ENTREP2: variants seen among roughly 807,000 people sequenced by gnomAD.
ENTREP2 encodes the protein endosomal transmembrane epsin interactor 2.
chr15:29,272,648 C>T, the ENTREP2 span, among the ~76,000 whole-genome samples: 2 of 152,044 alleles, frequency 1.3e-5, no homozygotes, highest in African/African-American at 4.8e-5. Context: ...GCAAAGGGAG[C>T]AGGAATCTAT....
At chr15:29,235,203 A>G in the ENTREP2 span, 1 of 621,760 alleles carries the variant, frequency 1.6e-6, no homozygotes, top group Non-Finnish European at 2.9e-6. Flanking sequence ...CATAAAACAG[A>G]TAGTTCTATA....
At chr15:29,169,471 A>C in the ENTREP2 span, among the ~76,000 whole-genome samples, 1 of 152,200 alleles carries the variant, frequency 6.6e-6, no homozygotes, top group Admixed American at 6.5e-5. Flanking sequence ...TCTTTAAAAA[A>C]CAAGTAAGAC....
At chr15:29,522,622 C>T in the ENTREP2 span, among the ~76,000 whole-genome samples, 6 of 152,244 alleles carry the variant, frequency 3.9e-5, no homozygotes, top group South Asian at 1.0e-3. Context: ...CCCACCTACC[C>T]GTCTCGGCAG....
the ENTREP2 span, among the ~76,000 whole-genome samples, chr15:29,306,417 C>T: frequency 3.4e-3 from 516 of 152,236 alleles, no homozygotes; most frequent in Middle Eastern, 0.01. Context: ...CTTGAAGACA[C>T]CAAGAGAGTT....
At chr15:29,261,412 C>T in the ENTREP2 span, among the ~76,000 whole-genome samples, 4 of 152,136 alleles carry the variant, frequency 2.6e-5, no homozygotes, top group African/African-American at 9.6e-5. Context: ...GGCATGGTGG[C>T]GCTTGACTGT....
At chr15:29,601,800 C>T in the ENTREP2 span, among the ~76,000 whole-genome samples, 1 of 152,200 alleles carries the variant, frequency 6.6e-6, no homozygotes, top group Non-Finnish European at 1.5e-5. Context: ...AGCACAACTA[C>T]ACACTTTGCT....
chr15:29,276,811 G>C, the ENTREP2 span, among the ~76,000 whole-genome samples: 1 of 152,224 alleles, frequency 6.6e-6, no homozygotes, highest in Non-Finnish European at 1.5e-5. Flanking sequence ...GGCTAAATCA[G>C]TAGCCAATCC....
At chr15:29,532,244 G>A in the ENTREP2 span, among the ~76,000 whole-genome samples, 1 of 151,908 alleles carries the variant, frequency 6.6e-6, no homozygotes, top group Admixed American at 6.6e-5. Flanking sequence ...AAACATCACT[G>A]GTAAACAAAC....
At chr15:29,614,834 A>ATTGC in the ENTREP2 span, among the ~76,000 whole-genome samples, 1 of 152,146 alleles carries the variant, frequency 6.6e-6, no homozygotes, top group Non-Finnish European at 1.5e-5. Context: ...AGGCTGGAAG[A>ATTGC]TTGCTTGAGC....
chr15:29,268,499 TATC>T, the ENTREP2 span: 1 of 366,216 alleles, frequency 2.7e-6, no homozygotes, highest in Non-Finnish European at 4.8e-6. Flanking sequence ...CTTCTTGCAT[TATC>T]TGTTCCAGAT....
chr15:29,119,042 C>T, the ENTREP2 span, among the ~76,000 whole-genome samples: 2 of 152,172 alleles, frequency 1.3e-5, no homozygotes, highest in Admixed American at 1.3e-4. Context: ...AGAAGACTTA[C>T]TCTCACCTAG....
chr15:29,134,514 G>A, the ENTREP2 span, among the ~76,000 whole-genome samples: 1 of 152,180 alleles, frequency 6.6e-6, no homozygotes, highest in Admixed American at 6.5e-5. Context: ...CCCACCACAA[G>A]CCACCCTGAA....
the ENTREP2 span, among the ~76,000 whole-genome samples, chr15:29,421,176 T>C: frequency 6.6e-6 from 1 of 152,212 alleles, no homozygotes; most frequent in African/African-American, 2.4e-5. Context: ...TGAGAGGCTA[T>C]TGCAAGAGGA....
At chr15:29,370,436 T>C in the ENTREP2 span, among the ~76,000 whole-genome samples, 1 of 152,182 alleles carries the variant, frequency 6.6e-6, no homozygotes, top group Non-Finnish European at 1.5e-5. Context: ...ATTATAGACA[T>C]ATTTGTACAT....
At chr15:29,215,528 T>C in the ENTREP2 span, among the ~76,000 whole-genome samples, 1 of 151,708 alleles carries the variant, frequency 6.6e-6, no homozygotes, top group African/African-American at 2.4e-5. Flanking sequence ...AGACAGCCTA[T>C]TGTGAGACCT....
the ENTREP2 span, among the ~76,000 whole-genome samples, chr15:29,555,556 C>G: frequency 2.0e-5 from 3 of 152,330 alleles, no homozygotes; most frequent in South Asian, 6.2e-4. Context: ...ACTGCAGCAG[C>G]CACCATGACG....
the ENTREP2 span, among the ~76,000 whole-genome samples, chr15:29,270,099 G>T: frequency 6.6e-6 from 1 of 152,082 alleles, no homozygotes; most frequent in Non-Finnish European, 1.5e-5. Context: ...TTTGTAAACG[G>T]AAAGAATTCA....
At chr15:29,123,453 A>C in the ENTREP2 span, 1 of 1,551,658 alleles carries the variant, frequency 6.4e-7, no homozygotes, top group East Asian at 2.4e-5. Flanking sequence ...TGGGGAGGGC[A>C]CAGTGTGAGT....
chr15:29,372,454 T>A, the ENTREP2 span, among the ~76,000 whole-genome samples: 3 of 152,246 alleles, frequency 2.0e-5, no homozygotes, highest in African/African-American at 7.2e-5. Flanking sequence ...GGCAGTTGCT[T>A]ACTTGTAGTT....
Sources: gnomAD v4.1 joint callset for allele counts (sites outside exome capture counted in the v4.1 genomes callset) on GRCh38, gnomAD v4.1.1 for gene constraint, MANE v1.5 for transcripts, NCBI Gene and HGNC (gene_info 2026-07-23, HGNC 2026-07-21) for gene names.